GAR1: variants seen among roughly 807,000 people sequenced by gnomAD.
The protein encoded by GAR1 is H/ACA ribonucleoprotein complex subunit 1.
A neutral mutation model predicts 29.3 loss-of-function variants in GAR1; 11 were observed. The observed-to-expected ratio is 0.38, with a 90% CI of 0.24 to 0.62. GAR1 has a LOEUF of 0.62. Among genes scored for constraint, GAR1 ranks in the 20% least tolerant of loss-of-function variants. GAR1 has a pLI of 0.62. For synonymous variants in GAR1, 87 were observed against 93.3 expected, an observed-to-expected ratio of 0.93 and a Z score of 0.39; for missense variants, 237 against 268.4, an observed-to-expected ratio of 0.88 and a Z score of 0.82.
intron 3 of GAR1, among the ~76,000 whole-genome samples, 183 bp downstream of exon 3, chr4:109,818,273 C>T (rs1442919957): frequency 6.6e-6 from 1 of 152,118 alleles, no homozygotes; most frequent in African/African-American, 2.4e-5. Flanking sequence ...AAATGACAGA[C>T]CCTAGAACGG....
Position 109,816,180 on chromosome 4 carries a change from G to A in GAR1, c.16G>A (p.Gly6Arg), listed in dbSNP as rs775318667. The change falls in exon 2 of 7, where the codon GGA becomes AGA. Residue 6 changes from glycine (G) to arginine (R), a missense_variant. Coordinates refer to ENST00000226796, the MANE Select transcript of GAR1 (RefSeq NM_018983.4). MSFRG[G>R]GRGGFNRGGG... ...AGGAGAGAGAATGTCTTTTCGAGGC[G>A]GAGGTCGTGGAGGCTTTAATCGAGG... 1.2e-6 allele frequency: 2 copies of A among 1,612,400 alleles called. No individual in the cohort carries two copies. Among genetic ancestry groups the A allele is most frequent in the Admixed American group, 3.3e-5 (2 of 59,990 alleles).
intron 3 of GAR1, 55 bp from the exon 4 acceptor site, chr4:109,818,946 A>G: frequency 1.3e-6 from 1 of 763,776 alleles, no homozygotes; most frequent in Non-Finnish European, 2.3e-6. Flanking sequence ...AATTCAGAAC[A>G]TTTGATATCA....
chr4:109,818,726 G>A (rs1326950028), intron 3 of GAR1, among the ~76,000 whole-genome samples: 5 of 151,716 alleles, frequency 3.3e-5, no homozygotes, highest in African/African-American at 7.3e-5. Flanking sequence ...CACCATGCCC[G>A]GCTGATTTTT....
At chr4:109,819,425 C>T (rs1229219938) in intron 4 of GAR1, 1 of 237,390 alleles carries the variant, frequency 4.2e-6, no homozygotes, top group Non-Finnish European at 8.1e-6. Context: ...TAAGTGATTT[C>T]ACAAGAACTT....
chr4:109,818,855 A>G (rs1733426845), intron 3 of GAR1, 146 bp from the exon 4 acceptor site: 1 of 544,070 alleles, frequency 1.8e-6, no homozygotes, highest in African/African-American at 1.9e-5. Context: ...GTGAGCCACC[A>G]CGCCCAGCCC....
rs4283660 is a variant in GAR1, at chr4:109,822,126, G to A, written c.430-221G>A. 3.4e-4 allele frequency among the ~76,000 whole-genome samples: 45 copies of A among 131,332 alleles called. No individual in the cohort carries two copies. In the East Asian group the frequency reaches 8.1e-3, roughly 24 times the overall value. 86.2% of individuals were successfully genotyped at this position (131,332 alleles called of 152,430 possible). A position where few individuals can be genotyped will look rare whatever the true frequency, so the allele number is the denominator to read the frequency against. On this transcript the variant is annotated intron_variant, in intron 4 of 6. Coordinates refer to ENST00000226796, the MANE Select transcript of GAR1 (RefSeq NM_018983.4). ...GTGTACCTATGTAACAAACCTGCACGTTCTGCACATGTATCCCAGAACTTA... is the reference window on the plus strand; with the variant it reads ...GTGTACCTATGTAACAAACCTGCACATTCTGCACATGTATCCCAGAACTTA...
chr4:109,821,342 T>A lies in GAR1; in HGVS notation c.430-1005T>A, dbSNP rs559499909. Among the ~76,000 whole-genome samples the A allele has an allele frequency of 8.5e-5, 13 of 152,320 alleles. No homozygotes were observed. The South Asian group carries it at 2.7e-3, about 32-fold the overall frequency. On this transcript the variant is annotated intron_variant, in intron 4 of 6. Transcript: ENST00000226796. ...ACAATGTAGATCTAGACAATATTTTTGAGATGATGGGCTGTGAAGGGAAGA... is the reference window on the plus strand; with the variant it reads ...ACAATGTAGATCTAGACAATATTTTAGAGATGATGGGCTGTGAAGGGAAGA...
At chr4:109,824,174 G>A in intron 6 of GAR1, 141 bp downstream of exon 6, 2 of 640,200 alleles carry the variant, frequency 3.1e-6, no homozygotes, top group Non-Finnish European at 5.4e-6. Context: ...CCTAATTTGT[G>A]GTTTCATTTT....
chr4:109,819,387 CT>C, intron 4 of GAR1: 1 of 317,404 alleles, frequency 3.2e-6, no homozygotes, highest in Non-Finnish European at 5.8e-6. Context: ...ATTTGTAAAA[CT>C]TACGTTATTT....
At chr4:109,817,611 C>G (rs1421147914) in intron 2 of GAR1, among the ~76,000 whole-genome samples, 1 of 152,184 alleles carries the variant, frequency 6.6e-6, no homozygotes, top group Non-Finnish European at 1.5e-5. Flanking sequence ...GTGCCAGGCA[C>G]TGTTCTAAGC....
At chr4:109,818,609 G>C (rs909539184) in intron 3 of GAR1, among the ~76,000 whole-genome samples, 18 of 133,266 alleles carry the variant, frequency 1.4e-4, no homozygotes, top group African/African-American at 4.7e-4. Flanking sequence ...CTGTTGCCCA[G>C]GGTGGAGTGC....
At chr4:109,819,321 T>C (rs1226929483) in intron 4 of GAR1, 7 of 448,966 alleles carry the variant, frequency 1.6e-5, no homozygotes, top group Non-Finnish European at 2.4e-5. Flanking sequence ...TTTTTGTTTA[T>C]GTAAAACTCT....
At chr4:109,819,165 G>A (rs776346255) in intron 4 of GAR1, 105 bp downstream of exon 4, 9 of 760,618 alleles carry the variant, frequency 1.2e-5, no homozygotes, top group African/African-American at 3.4e-5. Context: ...CATATCACTA[G>A]TAAAGCTCTT....
intron 4 of GAR1, chr4:109,819,426 A>T: frequency 4.2e-6 from 1 of 237,810 alleles, no homozygotes; most frequent in Non-Finnish European, 8.1e-6. Context: ...AAGTGATTTC[A>T]CAAGAACTTC....
At chr4:109,821,024 C>T (rs1024603228) in intron 4 of GAR1, among the ~76,000 whole-genome samples, 16 of 152,008 alleles carry the variant, frequency 1.1e-4, no homozygotes, top group Non-Finnish European at 2.4e-4. Context: ...TGGGTTTTTG[C>T]TTTTTAATTA....
At chr4:109,820,331 T>G (rs1733478777) in intron 4 of GAR1, among the ~76,000 whole-genome samples, 1 of 151,828 alleles carries the variant, frequency 6.6e-6, no homozygotes, top group African/African-American at 2.4e-5. Flanking sequence ...GGAGGGGGAT[T>G]GGGGGAAGAT....
rs372157841 is a variant in GAR1, at chr4:109,817,907, T to C, written c.215-29T>C. 9.5e-6 allele frequency: 15 copies of C among 1,576,344 alleles called. No individual in the cohort carries two copies. The African/African-American group carries it at 1.9e-4, about 20-fold the overall frequency. ...GTCAGTATCGTTTGAAATAGTTCTA[T>C]GTTTTAACATTTTCTTGTCCTGTTT... On this transcript the variant is annotated intron_variant, in intron 2 of 6. Transcript: ENST00000226796.
In GAR1 at chr4:109,818,085, G is replaced by A; in HGVS notation, c.364G>A (p.Asp122Asn). 3 of 1,595,500 alleles carry A rather than the reference G, an allele frequency of 1.9e-6. No individual in the cohort carries two copies. Among genetic ancestry groups the A allele is most frequent in the Non-Finnish European group, 2.6e-6 (3 of 1,173,576 alleles). ...KVDEIFGQLR[D>N]FYFSVKLSEN... is the part of the protein sequence containing the mutation. ...GGATGAAATATTTGGACAACTCAGA[G>A]ATTTTGTATCCTTTTTCATTGGAAG... is the stretch of plus-strand genomic sequence containing the variant. The change falls in exon 3 of 7, where the codon GAT (aspartate) becomes AAT (asparagine). Residue 122 changes from aspartate (D) to asparagine (N), a missense_variant. By Grantham distance (23) the Asp-to-Asn change is conservative. Coordinates refer to ENST00000226796, the MANE Select transcript of GAR1 (RefSeq NM_018983.4).
chr4:109,823,541 C>G (rs1733574568), intron 5 of GAR1, among the ~76,000 whole-genome samples: 1 of 151,990 alleles, frequency 6.6e-6, no homozygotes, highest in Non-Finnish European at 1.5e-5. Context: ...TTATCTTACC[C>G]CCAGAGCAAA....
Sources: allele counts gnomAD v4.1 joint callset (sites outside exome capture counted in the v4.1 genomes callset), GRCh38; gene constraint gnomAD v4.1.1; transcripts MANE v1.5; gene names NCBI Gene and HGNC (gene_info 2026-07-23, HGNC 2026-07-21).